The following CDR2 variants were observed in gnomAD, a reference collection of about 807,000 sequenced individuals.
CDR2 encodes cerebellar degeneration related protein 2, also known as cerebellar degeneration-related protein 2.
A neutral mutation model predicts 48.4 loss-of-function variants in CDR2; 34 were observed. The ratio of observed to expected loss-of-function variants is 0.70; its 90% confidence interval spans 0.53 to 0.94. The LOEUF (loss-of-function observed/expected upper bound fraction) is 0.94, where lower values mean the gene tolerates loss of function less well. CDR2 is among the 40% of genes least tolerant of loss of function. The pLI is 0.00. For synonymous variants in CDR2, 240 were observed against 219.7 expected (o/e 1.09, Z -0.82); for missense variants, 498 against 549.5 (o/e 0.91, Z 0.94).
At chr16:22,356,493 C>T (rs902239110) in intron 2 of CDR2, among the ~76,000 whole-genome samples, 3 of 152,326 alleles carry the variant, frequency 2.0e-5, no homozygotes, top group South Asian at 4.1e-4. Flanking sequence ...TGGCTCATGC[C>T]TATAATCCCA....
At chr16:22,359,024 C>T (rs2048994526) in intron 2 of CDR2, among the ~76,000 whole-genome samples, 1 of 152,174 alleles carries the variant, frequency 6.6e-6, no homozygotes, top group African/African-American at 2.4e-5. Flanking sequence ...GTTTAGATTT[C>T]ATCATTACAC....
At chr16:22,374,092 G>A in intron 1 of CDR2, 139 bp downstream of exon 1, 1 of 548,282 alleles carries the variant, frequency 1.8e-6, no homozygotes, top group Non-Finnish European at 3.2e-6. Context: ...GGGCACGGCC[G>A]GCCCAGCCGC....
At chr16:22,361,113 G>A (rs1252113933) in intron 2 of CDR2, among the ~76,000 whole-genome samples, 1 of 152,166 alleles carries the variant, frequency 6.6e-6, no homozygotes, top group Non-Finnish European at 1.5e-5. Flanking sequence ...ACTTGTACAA[G>A]TGATTCCATT....
chr16:22,372,426 A>G (rs1446053134), intron 1 of CDR2, among the ~76,000 whole-genome samples: 1 of 152,228 alleles, frequency 6.6e-6, no homozygotes, highest in Non-Finnish European at 1.5e-5. Context: ...TCGAGCTTCC[A>G]GTATGTGCCA....
intron 1 of CDR2, among the ~76,000 whole-genome samples, chr16:22,371,312 C>A (rs1396636639): frequency 1.3e-5 from 2 of 152,208 alleles, no homozygotes; most frequent in Non-Finnish European, 2.9e-5. Context: ...CATAAAATCC[C>A]ACTAGACTTG....
chr16:22,355,830 G>T (rs1349942680), intron 2 of CDR2, among the ~76,000 whole-genome samples: 1 of 152,106 alleles, frequency 6.6e-6, no homozygotes, highest in Admixed American at 6.6e-5. Flanking sequence ...AACTTCCTCT[G>T]CTCAGCTCAT....
At chr16:22,365,858 A>G (rs1313543724) in intron 1 of CDR2, among the ~76,000 whole-genome samples, 1 of 152,182 alleles carries the variant, frequency 6.6e-6, no homozygotes, top group Admixed American at 6.5e-5. Flanking sequence ...TACAGTGGGA[A>G]ATGCACTGCA....
chr16:22,362,733 A>G (rs2049018059), intron 2 of CDR2, among the ~76,000 whole-genome samples: 1 of 152,222 alleles, frequency 6.6e-6, no homozygotes, highest in African/African-American at 2.4e-5. Context: ...TTGACCACGT[A>G]AAACATTTGG....
rs753843532 is a variant in CDR2, at chr16:22,365,029, G to C, written c.80-15C>G. On this transcript the variant is annotated splice_polypyrimidine_tract_variant and intron_variant, in intron 1 of 4. Coordinates refer to ENST00000268383, the MANE Select transcript of CDR2 (RefSeq NM_001802.2). ...AAGTTGAAGATCTAGCACAACAAAT[G>C]AATCTTAGAATAATACAAATGATCT... 1.4e-6 allele frequency: 2 copies of C among 1,444,374 alleles called. No homozygotes were observed. The highest frequency in any genetic ancestry group is 2.0e-6 in the Non-Finnish European group (2 of 1,025,626). 89.5% of individuals were successfully genotyped at this position (1,444,374 alleles called of 1,614,324 possible). A position where few individuals can be genotyped will look rare whatever the true frequency, so the allele number is the denominator to read the frequency against.
chr16:22,349,903 T>C, intron 2 of CDR2, 54 bp from the exon 3 acceptor site: 2 of 1,577,734 alleles, frequency 1.3e-6, no homozygotes, highest in Non-Finnish European at 1.7e-6. Context: ...ACCTGCTGTT[T>C]CTTGGCTGGC....
At chr16:22,352,908 T>A (rs888194350) in intron 2 of CDR2, among the ~76,000 whole-genome samples, 2 of 152,176 alleles carry the variant, frequency 1.3e-5, no homozygotes, top group Admixed American at 6.5e-5. Context: ...TTCTCAGAAC[T>A]AAAGGAGTAG....
At chr16:22,367,278 T>A (rs746665213) in intron 1 of CDR2, 7 of 152,298 alleles carry the variant, frequency 4.6e-5, no homozygotes, top group Admixed American at 2.6e-4. Flanking sequence ...TCCTCCCACA[T>A]CAGCCTCCCA....
intron 2 of CDR2, among the ~76,000 whole-genome samples, chr16:22,352,737 GGATCT>G (rs2048950546): frequency 6.6e-6 from 1 of 152,126 alleles, no homozygotes; most frequent in Non-Finnish European, 1.5e-5. Context: ...ATTAGTAAGT[GGATCT>G]GTTAGTACCT....
intron 2 of CDR2, among the ~76,000 whole-genome samples, chr16:22,360,311 C>G (rs1196283075): frequency 6.6e-6 from 1 of 152,140 alleles, no homozygotes; most frequent in African/African-American, 2.4e-5. Flanking sequence ...AAAAGTAAGA[C>G]AGGCTACAGG....
chr16:22,365,101 GTT>G, intron 1 of CDR2, 87 bp from the exon 2 acceptor site: 1 of 863,414 alleles, frequency 1.2e-6, no homozygotes, highest in South Asian at 1.5e-5. Context: ...AGAACATGTA[GTT>G]TAAGTCACAT....
Position 22,352,674 on chromosome 16 carries a change from C to G in CDR2, c.193-2825G>C, listed in dbSNP as rs2048950157. On this transcript the variant is annotated intron_variant, in intron 2 of 4. Transcript: ENST00000268383. The stretch of plus-strand genomic sequence containing the variant: ...GATCTACTACCAAATGAATCTGTTG[C>G]AAATTTAAGGGGAAAAAAAAAATCT... 2.0e-5 allele frequency among the ~76,000 whole-genome samples: 3 copies of G among 151,878 alleles called. No individual in the cohort carries two copies. The East Asian group carries it at 5.8e-4, about 29-fold the overall frequency.
intron 1 of CDR2, among the ~76,000 whole-genome samples, chr16:22,373,015 T>C (rs536767800): frequency 2.0e-5 from 3 of 152,202 alleles, no homozygotes; most frequent in Non-Finnish European, 4.4e-5. Context: ...GAAAAATTCC[T>C]GAGGATTGTT....
At chr16:22,365,732 T>C (rs1247719322) in intron 1 of CDR2, among the ~76,000 whole-genome samples, 1 of 152,234 alleles carries the variant, frequency 6.6e-6, no homozygotes, top group Non-Finnish European at 1.5e-5. Flanking sequence ...TTGTTTATAT[T>C]ATACTCAACT....
At chr16:22,348,147 G>A (rs934220781) in intron 4 of CDR2, among the ~76,000 whole-genome samples, 1 of 152,040 alleles carries the variant, frequency 6.6e-6, no homozygotes, top group Non-Finnish European at 1.5e-5. Context: ...ATGTTGGTCA[G>A]GCTGGTCTCG....
Sources: allele counts gnomAD v4.1 joint callset (sites outside exome capture counted in the v4.1 genomes callset), GRCh38; gene constraint gnomAD v4.1.1; transcripts MANE v1.5; gene names NCBI Gene and HGNC (gene_info 2026-07-23, HGNC 2026-07-21).